SH3KBP1: variants seen among roughly 807,000 people sequenced by gnomAD.
The protein encoded by SH3KBP1 is SH3 domain-containing kinase-binding protein 1.
In SH3KBP1, 8 loss-of-function variants were observed where a neutral mutation model predicts 50.1. That is an observed-to-expected ratio of 0.16 (90% CI 0.09 to 0.29). The LOEUF is 0.29. Among genes scored for constraint, SH3KBP1 ranks in the 10% least tolerant of loss-of-function variants. The pLI, the probability that SH3KBP1 is intolerant of heterozygous loss-of-function variation, is 1.00. For missense variants in SH3KBP1, 377 were observed against 535.2 expected (o/e 0.70, Z 2.92); for synonymous variants, 227 against 218.6 (o/e 1.04, Z -0.34).
At chrX:19,742,426 C>A (rs1279843273) in intron 3 of SH3KBP1, among the ~76,000 whole-genome samples, 1 of 111,169 alleles carries the variant, frequency 9.0e-6, no homozygotes, top group African/African-American at 3.3e-5. Context: ...ATTTTTAATT[C>A]AAGTAGGTAA....
chrX:19,651,551 T>C (rs1009863372), intron 6 of SH3KBP1, among the ~76,000 whole-genome samples: 3 of 112,448 alleles, frequency 2.7e-5, no homozygotes, highest in African/African-American at 9.7e-5. Context: ...ATTTTCTGAT[T>C]ACGAAATTGG....
At chrX:19,775,480 A>G (rs1417983284) in intron 2 of SH3KBP1, among the ~76,000 whole-genome samples, 1 of 111,961 alleles carries the variant, frequency 8.9e-6, no homozygotes, top group Non-Finnish European at 1.9e-5. Flanking sequence ...GTTTCTCACA[A>G]AATATTAGCA....
chrX:19,727,829 C>T (rs748035933), intron 3 of SH3KBP1, among the ~76,000 whole-genome samples: 23 of 111,756 alleles, frequency 2.1e-4, no homozygotes, highest in Non-Finnish European at 4.0e-4. Flanking sequence ...ACTAAAAATA[C>T]AAAAACGTGC....
At chrX:19,751,543 G>T (rs753173067) in intron 2 of SH3KBP1, among the ~76,000 whole-genome samples, 1 of 111,702 alleles carries the variant, frequency 9.0e-6, no homozygotes, top group African/African-American at 3.3e-5. Context: ...CAGGGTATCA[G>T]CAAACCTCTT....
intron 13 of SH3KBP1, among the ~76,000 whole-genome samples, chrX:19,562,067 A>G (rs1258128737): frequency 9.0e-6 from 1 of 111,529 alleles, no homozygotes; most frequent in African/African-American, 3.3e-5. Context: ...CTTGCAATGA[A>G]TCAAACTTTA....
chrX:19,748,443 C>A (rs746380835), intron 2 of SH3KBP1, among the ~76,000 whole-genome samples: 2 of 111,290 alleles, frequency 1.8e-5, no homozygotes, highest in South Asian at 7.5e-4. Flanking sequence ...ACGTGGGGAG[C>A]AGCTGGCTAG....
At chrX:19,693,654 T>C (rs2063350315) in intron 5 of SH3KBP1, among the ~76,000 whole-genome samples, 1 of 111,611 alleles carries the variant, frequency 9.0e-6, no homozygotes, top group Non-Finnish European at 1.9e-5. Flanking sequence ...GATGACATAA[T>C]GCTAAATGGG....
intron 12 of SH3KBP1, among the ~76,000 whole-genome samples, chrX:19,584,850 A>G (rs777126166): frequency 4.5e-5 from 5 of 111,987 alleles, no homozygotes; most frequent in East Asian, 5.6e-4. Context: ...CTGGCTTCCA[A>G]TGAGAGCTGC....
At chrX:19,631,268 T>C (rs1449323783) in intron 8 of SH3KBP1, among the ~76,000 whole-genome samples, 5 of 112,897 alleles carry the variant, frequency 4.4e-5, no homozygotes, top group Non-Finnish European at 7.5e-5. Flanking sequence ...TGAGTACCAT[T>C]GTGTGAAAGC....
chrX:19,698,011 A>C (rs1193403420), intron 4 of SH3KBP1, among the ~76,000 whole-genome samples: 1 of 112,146 alleles, frequency 8.9e-6, no homozygotes, highest in Non-Finnish European at 1.9e-5. Flanking sequence ...TTTCCACTGA[A>C]ATCATTCCAT....
At chrX:19,570,673 G>A (rs747387857) in intron 12 of SH3KBP1, among the ~76,000 whole-genome samples, 28 of 111,941 alleles carry the variant, frequency 2.5e-4, no homozygotes, top group Non-Finnish European at 4.9e-4. Context: ...AATGGGTGGT[G>A]AGCAGGGCAC....
chrX:19,559,274 CAAAAAAAAA>C (rs369794445), intron 13 of SH3KBP1, among the ~76,000 whole-genome samples: 6 of 8,614 alleles, frequency 7.0e-4, no homozygotes, highest in South Asian at 0.023. Flanking sequence ...TCTGTCTCAC[CAAAAAAAAA>C]AAAAAAAAAA....
intron 8 of SH3KBP1, among the ~76,000 whole-genome samples, chrX:19,621,136 G>A (rs1429266332): frequency 3.1e-5 from 3 of 97,261 alleles, no homozygotes; most frequent in South Asian, 5.2e-4. Flanking sequence ...GTGCAGTGGC[G>A]CGATCTTGGC....
At chrX:19,724,133 T>G (rs2064150198) in intron 3 of SH3KBP1, among the ~76,000 whole-genome samples, 1 of 110,621 alleles carries the variant, frequency 9.0e-6, no homozygotes, top group African/African-American at 3.3e-5. Context: ...TTCCTCCCCC[T>G]CTCAGAGGGC....
intron 6 of SH3KBP1, among the ~76,000 whole-genome samples, chrX:19,657,334 C>T (rs1439886528): frequency 9.5e-6 from 1 of 104,848 alleles, no homozygotes; most frequent in Non-Finnish European, 1.9e-5. Context: ...GAGCCCCGAT[C>T]GTGCCACTGC....
intron 2 of SH3KBP1, among the ~76,000 whole-genome samples, chrX:19,779,003 C>A: frequency 9.2e-6 from 1 of 108,824 alleles, no homozygotes; most frequent in East Asian, 2.9e-4. Context: ...AATGCTCAAG[C>A]AGATGGAGGT....
At chrX:19,732,636 C>G (rs868367535) in intron 3 of SH3KBP1, among the ~76,000 whole-genome samples, 2 of 101,765 alleles carry the variant, frequency 2.0e-5, no homozygotes, top group South Asian at 4.5e-4. Context: ...CACACACACA[C>G]AGCGTTCTAT....
chrX:19,836,084 C>T (rs1184416834), intron 2 of SH3KBP1, 41 bp downstream of exon 2: 7 of 1,181,671 alleles, frequency 5.9e-6, no homozygotes, highest in Non-Finnish European at 8.0e-6. Flanking sequence ...GTCAGCAGAG[C>T]CCACACAGGA....
intron 12 of SH3KBP1, among the ~76,000 whole-genome samples, chrX:19,576,459 A>G (rs925575739): frequency 4.5e-5 from 5 of 111,821 alleles, no homozygotes; most frequent in African/African-American, 1.6e-4. Flanking sequence ...AAAAGAAAAG[A>G]AAGAAAGTCT....
Sources: gnomAD v4.1 joint callset for allele counts (sites outside exome capture counted in the v4.1 genomes callset) on GRCh38, gnomAD v4.1.1 for gene constraint, MANE v1.5 for transcripts, NCBI Gene and HGNC (gene_info 2026-07-23, HGNC 2026-07-21) for gene names.